Variants in ADGRB1 observed in about 807,000 individuals in gnomAD.
ADGRB1 encodes the protein adhesion G protein-coupled receptor B1.
ADGRB1 carries 36 observed loss-of-function variants against 175.7 expected under a neutral mutation model. The observed-to-expected ratio is 0.20, with a 90% CI of 0.16 to 0.27. The LOEUF is 0.27. ADGRB1 is among the 10% of genes least tolerant of loss of function. The pLI, the probability that ADGRB1 is intolerant of heterozygous loss-of-function variation, is 1.00. For synonymous variants in ADGRB1, 1,054 were observed against 979.4 expected, an observed-to-expected ratio of 1.08 and a Z score of -1.42; for missense variants, 1,731 against 2,255.3, an observed-to-expected ratio of 0.77 and a Z score of 4.71.
intron 2 of ADGRB1, among the ~76,000 whole-genome samples, chr8:142,469,159 G>GTA (rs1280596599): frequency 1.4e-4 from 1 of 6,902 alleles, no homozygotes; most frequent in Admixed American, 1.8e-3. Flanking sequence ...ATGCGTGCAT[G>GTA]TGTGTGTGTG....
chr8:142,484,129 G>C, intron 12 of ADGRB1, 84 bp downstream of exon 12: 1 of 1,279,610 alleles, frequency 7.8e-7, no homozygotes, highest in Non-Finnish European at 1.1e-6. Flanking sequence ...GTCGGCCTGG[G>C]GTGGGGTCCC....
At chr8:142,538,530 TTTG>T (rs1197039247) in intron 26 of ADGRB1, among the ~76,000 whole-genome samples, 1 of 152,188 alleles carries the variant, frequency 6.6e-6, no homozygotes, top group Non-Finnish European at 1.5e-5. Flanking sequence ...GGGGGAAGAT[TTTG>T]TTGTCTCCAT....
At chr8:142,531,879 A>T (rs1844642868) in intron 24 of ADGRB1, among the ~76,000 whole-genome samples, 1 of 152,126 alleles carries the variant, frequency 6.6e-6, no homozygotes, top group Non-Finnish European at 1.5e-5. Context: ...GTCCTGAGAG[A>T]TGACGACACA....
At chr8:142,456,520 C>G (rs1237103799) in intron 1 of ADGRB1, among the ~76,000 whole-genome samples, 1 of 152,234 alleles carries the variant, frequency 6.6e-6, no homozygotes, top group African/African-American at 2.4e-5. Flanking sequence ...TCCCCACTCG[C>G]TCACACACAC....
chr8:142,481,784 A>C, intron 11 of ADGRB1, 73 bp downstream of exon 11: 2 of 1,334,636 alleles, frequency 1.5e-6, no homozygotes, highest in South Asian at 3.1e-5. Context: ...GACCTTAGAG[A>C]TGGATCCCCA....
chr8:142,539,559 C>A, intron 27 of ADGRB1, 146 bp downstream of exon 27: 5 of 1,035,956 alleles, frequency 4.8e-6, no homozygotes, highest in Middle Eastern at 2.5e-4. Context: ...GTCAGGCCCA[C>A]CTGGACCCAG....
intron 16 of ADGRB1, 61 bp downstream of exon 16, chr8:142,489,499 C>G (rs1841882284): frequency 6.5e-7 from 1 of 1,542,904 alleles, no homozygotes; most frequent in Non-Finnish European, 8.9e-7. Flanking sequence ...CGAATTCTGT[C>G]CCACTCCTCA....
At chr8:142,460,579 A>G (rs577073872) in intron 1 of ADGRB1, among the ~76,000 whole-genome samples, 47 of 152,200 alleles carry the variant, frequency 3.1e-4, no homozygotes, top group East Asian at 2.7e-3. Context: ...CTCCTGTGGA[A>G]CCCCAGGGCT....
Position 142,481,367 on chromosome 8 carries a change from G to T in ADGRB1, c.1935+7G>T. On this transcript the variant is annotated splice_region_variant and intron_variant, in intron 10 of 30. Coordinates refer to ENST00000517894, the MANE Select transcript of ADGRB1 (RefSeq NM_001702.3). ...CAGAAACATCCAGATGATGGTGAGG[G>T]CCAGTTCCCGGGGGTCTCCAACCCC... 6.2e-7 allele frequency: 1 copy of T among 1,613,496 alleles called. No individual in the cohort carries two copies. Among genetic ancestry groups the T allele is most frequent in the Non-Finnish European group, 8.5e-7 (1 of 1,179,742 alleles).
intron 6 of ADGRB1, 40 bp downstream of exon 6, chr8:142,477,589 A>G: frequency 6.3e-7 from 1 of 1,588,734 alleles, no homozygotes; most frequent in Non-Finnish European, 8.6e-7. Context: ...GAGGAAGGGA[A>G]GAAAGGGGAG....
intron 2 of ADGRB1, among the ~76,000 whole-genome samples, chr8:142,468,710 C>G (rs1191228582): frequency 6.6e-6 from 1 of 152,254 alleles, no homozygotes; most frequent in African/African-American, 2.4e-5. Flanking sequence ...CCTTCCAGTC[C>G]TCACGCACAT....
At position 142,476,715 on chromosome 8, in the gene ADGRB1, G is replaced by T. The variant is rs1261889568; in HGVS notation, c.1057+20G>T. ...AGACCGGTGAGCTGGCGGGAGGGGGGTGGGTGGGACTAGGGCTTTGGGAAA... is the reference window on the plus strand; with the variant it reads ...AGACCGGTGAGCTGGCGGGAGGGGGTTGGGTGGGACTAGGGCTTTGGGAAA... On this transcript the variant is annotated intron_variant, in intron 4 of 30. Transcript: ENST00000517894. The T allele has an allele frequency of 2.6e-6, 4 of 1,537,028 alleles. No homozygotes were observed. The highest frequency in any genetic ancestry group is 4.0e-5 in the Admixed American group (2 of 50,472).
Position 142,492,327 on chromosome 8 carries a change from C to A in ADGRB1, c.2675+1512C>A, listed in dbSNP as rs1196436186. Among the ~76,000 whole-genome samples the A allele has an allele frequency of 6.6e-6, 1 of 152,162 alleles. No homozygotes were observed. The highest frequency in any genetic ancestry group is 2.4e-5 in the African/African-American group (1 of 41,428). On this transcript the variant is annotated intron_variant, in intron 17 of 30. Transcript: ENST00000517894. This position sits in a 1 kb window ranked among gnomAD's most constrained non-coding sequence, Gnocchi z 4.4. Reference sequence around the variant, plus strand: ...TGGGCACTATTCTGGCAGGTCCCAGCCTTTAGCCTCCTCTCCCCAGTGAGG... The same window carrying A: ...TGGGCACTATTCTGGCAGGTCCCAGACTTTAGCCTCCTCTCCCCAGTGAGG...
Position 142,464,416 on chromosome 8 carries a change from G to T in ADGRB1, c.218G>T (p.Arg73Leu). 6.5e-7 allele frequency: 1 copy of T among 1,547,142 alleles called. No homozygotes were observed. The highest frequency in any genetic ancestry group is 1.7e-4 in the Middle Eastern group (1 of 5,836). Residue 73 changes from arginine (R) to leucine (L), a missense_variant, in exon 2 of 31, where the codon CGC becomes CTC. Coordinates refer to ENST00000517894, the MANE Select transcript of ADGRB1 (RefSeq NM_001702.3). ...GCCTCGCGCTGCTCCTGGACGCTACGCAACCCGGACCCGCGGCGCTACACT... is the reference window on the plus strand; with the variant it reads ...GCCTCGCGCTGCTCCTGGACGCTACTCAACCCGGACCCGCGGCGCTACACT... ...ANASRCSWTL[R>L]NPDPRRYTLY...
intron 18 of ADGRB1, among the ~76,000 whole-genome samples, chr8:142,517,774 G>C (rs966322057): frequency 3.3e-5 from 5 of 152,172 alleles, no homozygotes; most frequent in Non-Finnish European, 7.4e-5. Context: ...GTGTGGGTGG[G>C]CCTGGACCTG....
chr8:142,458,390 T>C (rs1839794194), intron 1 of ADGRB1, among the ~76,000 whole-genome samples: 1 of 152,226 alleles, frequency 6.6e-6, no homozygotes, highest in East Asian at 1.9e-4. Flanking sequence ...GCAGTGCCTC[T>C]CGTCTGAGGG....
intron 17 of ADGRB1, among the ~76,000 whole-genome samples, chr8:142,508,965 C>CTTG (rs1842956255): frequency 6.6e-6 from 1 of 152,234 alleles, no homozygotes; most frequent in African/African-American, 2.4e-5. Flanking sequence ...TCAGCTCTGC[C>CTTG]TTGTCTGTGA....
rs1266648438 is a variant in ADGRB1 at position 142,544,213 on chromosome 8, C to T, written c.4558-7C>T. 1 of 1,548,466 alleles carries T rather than the reference C, an allele frequency of 6.5e-7. No homozygotes were observed. The highest frequency in any genetic ancestry group is 8.7e-7 in the Non-Finnish European group (1 of 1,146,580). The stretch of plus-strand genomic sequence containing the variant: ...CCACCCCTCCTGCACCACGGGCCAC[C>T]CAGCAGCCGGAAAAGCAGCAGACGC... On this transcript the variant is annotated splice_polypyrimidine_tract_variant and splice_region_variant and intron_variant, in intron 30 of 30. Coordinates refer to ENST00000517894, the MANE Select transcript of ADGRB1 (RefSeq NM_001702.3).
At chr8:142,477,315 G>GGGCAGCGGGGGGCCGA (rs757437941) in intron 5 of ADGRB1, 37 bp downstream of exon 5, 140 of 1,461,998 alleles carry the variant, frequency 9.6e-5, no homozygotes, top group Non-Finnish European at 1.2e-4. Flanking sequence ...CGGACAGCCA[G>GGGCAGCGGGGGGCCGA]GGCAGCGGGG....
Sources: allele counts gnomAD v4.1 joint callset (sites outside exome capture counted in the v4.1 genomes callset), GRCh38; gene constraint gnomAD v4.1.1; non-coding constraint Gnocchi (gnomAD v3.1); transcripts MANE v1.5; gene names NCBI Gene and HGNC (gene_info 2026-07-23, HGNC 2026-07-21).